The following SLC4A8 variants were observed in gnomAD, a reference collection of about 807,000 sequenced individuals.
SLC4A8 encodes the protein electroneutral sodium bicarbonate exchanger 1.
A neutral mutation model predicts 125.0 loss-of-function variants in SLC4A8; 40 were observed. The observed-to-expected ratio is 0.32, with a 90% CI of 0.25 to 0.42. SLC4A8 has a LOEUF of 0.42. Ranked by LOEUF, SLC4A8 falls within the 10% of genes least tolerant of loss-of-function variation. The probability of loss-of-function intolerance (pLI) is 1.00; values close to 1 mark genes in which losing one functional copy is unlikely to be tolerated. For synonymous variants in SLC4A8, 456 were observed against 476.0 expected (o/e 0.96, Z 0.55); for missense variants, 863 against 1,355.1 (o/e 0.64, Z 5.70).
chr12:51,479,397 G>A (rs919091243), intron 16 of SLC4A8, among the ~76,000 whole-genome samples: 1 of 152,224 alleles, frequency 6.6e-6, no homozygotes, highest in East Asian at 1.9e-4. Flanking sequence ...TTGAAATGTA[G>A]ACAAAGGGGC....
intron 1 of SLC4A8, among the ~76,000 whole-genome samples, chr12:51,410,876 C>CTTTTTTTTT (rs58043742): frequency 1.7e-5 from 2 of 117,394 alleles, no homozygotes; most frequent in South Asian, 2.8e-4. Flanking sequence ...CTTTTCTTTT[C>CTTTTTTTTT]TTTTTTTTTT....
chr12:51,421,684 C>T (rs1269337073), upstream of SLC4A8, among the ~76,000 whole-genome samples: 2 of 152,192 alleles, frequency 1.3e-5, no homozygotes, highest in South Asian at 4.1e-4. Context: ...CCTGAATTAC[C>T]ACGTTGCTAG....
At chr12:51,402,207 T>A (rs767586861) in intron 1 of SLC4A8, among the ~76,000 whole-genome samples, 1 of 152,212 alleles carries the variant, frequency 6.6e-6, no homozygotes, top group Non-Finnish European at 1.5e-5. Flanking sequence ...AGATATTGGC[T>A]TCACTCCCTA....
chr12:51,411,351 GC>G (rs542510634), intron 1 of SLC4A8, among the ~76,000 whole-genome samples: 187 of 152,186 alleles, frequency 1.2e-3, no homozygotes, highest in Non-Finnish European at 6.2e-4. Context: ...ACTTTGGGAG[GC>G]TGAGGTGGGT....
chr12:51,400,761 T>A (rs1179878773), intron 1 of SLC4A8, among the ~76,000 whole-genome samples: 1 of 8,162 alleles, frequency 1.2e-4, no homozygotes, highest in African/African-American at 4.3e-4. Flanking sequence ...TATATATATA[T>A]ATATATATAT....
chr12:51,498,534 T>C (rs1011535980), intron 22 of SLC4A8, among the ~76,000 whole-genome samples: 11 of 151,654 alleles, frequency 7.3e-5, no homozygotes, highest in Non-Finnish European at 1.5e-4. Context: ...TTTTAAAAGA[T>C]AAAAACAAGT....
chr12:51,453,130 G>A (rs1462543087), intron 4 of SLC4A8, among the ~76,000 whole-genome samples: 3 of 152,176 alleles, frequency 2.0e-5, no homozygotes, highest in Admixed American at 6.5e-5. Flanking sequence ...AATGTGGTTT[G>A]TCAGTGTATC....
At chr12:51,392,746 G>C (rs1948166838) in intron 1 of SLC4A8, 1 of 152,094 alleles carries the variant, frequency 6.6e-6, no homozygotes, top group Non-Finnish European at 1.5e-5. Context: ...GGGCTGGAAT[G>C]AGAATCCTGG....
rs182865173 is a variant in SLC4A8 at position 51,400,831 on chromosome 12, T to C, written c.-112+9343T>C. On this transcript the variant is annotated intron_variant, in intron 1 of 24. Transcript: ENST00000358657. Reference sequence around the variant, plus strand: ...ATAAACATATATGTTTATATACGTATATAAACATATATGTTTATATACGTA... The same window carrying C: ...ATAAACATATATGTTTATATACGTACATAAACATATATGTTTATATACGTA... Among the ~76,000 whole-genome samples the C allele has an allele frequency of 4.6e-3, 629 of 136,078 alleles. 16 individuals carry two copies. The highest frequency in any genetic ancestry group is 0.017 in the African/African-American group (597 of 35,532). 89.3% of individuals were successfully genotyped at this position (136,078 alleles called of 152,430 possible). A position where few individuals can be genotyped will look rare whatever the true frequency, so the allele number is the denominator to read the frequency against.
chr12:51,458,760 C>G, intron 7 of SLC4A8, 110 bp downstream of exon 7: 1 of 738,166 alleles, frequency 1.4e-6, no homozygotes. Flanking sequence ...GACTCTTTCC[C>G]TAAGACTAGA....
chr12:51,472,366 C>T (rs921627807), intron 14 of SLC4A8, among the ~76,000 whole-genome samples: 2 of 152,124 alleles, frequency 1.3e-5, no homozygotes, highest in East Asian at 1.9e-4. Context: ...TGCGGACCAG[C>T]GACAGATACA....
At chr12:51,400,946 G>A (rs951979889) in intron 1 of SLC4A8, among the ~76,000 whole-genome samples, 1 of 150,606 alleles carries the variant, frequency 6.6e-6, no homozygotes, top group Non-Finnish European at 1.5e-5. Context: ...GCACCGTCAC[G>A]GTGAAACGGG....
rs777540496 is a variant in SLC4A8 at position 51,475,047 on chromosome 12, A to G, written c.2013A>G (p.Glu671=). The change falls in exon 16 of 25, where the codon GAA becomes GAG. Residue 671 remains glutamate, a splice_region_variant and synonymous_variant. Coordinates refer to ENST00000453097, the MANE Select transcript of SLC4A8 (RefSeq NM_001039960.3). The part of the protein sequence containing the change: ...EVHWANLTVS[E]CQEMHGEFMG... ...ACCCAGAATGCTTATTCCTCCAGGAATGCCAGGAGATGCATGGAGAGTTCA... is the reference window on the plus strand; with the variant it reads ...ACCCAGAATGCTTATTCCTCCAGGAGTGCCAGGAGATGCATGGAGAGTTCA... 11 of 1,612,774 alleles carry G rather than the reference A, an allele frequency of 6.8e-6. No individual in the cohort carries two copies. Among genetic ancestry groups the G allele is most frequent in the Non-Finnish European group, 9.3e-6 (11 of 1,179,518 alleles).
chr12:51,416,012 C>G (rs1948678394), intron 1 of SLC4A8, among the ~76,000 whole-genome samples: 1 of 151,742 alleles, frequency 6.6e-6, no homozygotes, highest in Non-Finnish European at 1.5e-5. Flanking sequence ...GACCTCTACT[C>G]TCTTCCTTTT....
chr12:51,489,644 C>G (rs1329058612), intron 18 of SLC4A8, 56 bp from the exon 19 acceptor site: 1 of 1,604,730 alleles, frequency 6.2e-7, no homozygotes, highest in South Asian at 1.1e-5. Flanking sequence ...GCTCACTGTT[C>G]TATGCCCTAC....
At chr12:51,469,850 C>CACAAT in intron 12 of SLC4A8, 62 bp downstream of exon 12, 1 of 1,525,838 alleles carries the variant, frequency 6.6e-7, no homozygotes, top group Non-Finnish European at 9.1e-7. Flanking sequence ...TGGCGGCAGC[C>CACAAT]AGGTCCACTG....
intron 1 of SLC4A8, among the ~76,000 whole-genome samples, chr12:51,402,358 A>G (rs547247398): frequency 2.6e-5 from 4 of 152,298 alleles, no homozygotes; most frequent in East Asian, 3.9e-4. Context: ...TGCTGTGCTG[A>G]TGGGCTCTCT....
At chr12:51,502,826 A>C (rs1254556911) in intron 22 of SLC4A8, among the ~76,000 whole-genome samples, 2 of 138,188 alleles carry the variant, frequency 1.4e-5, no homozygotes, top group African/African-American at 5.5e-5. Flanking sequence ...ATGCACCACC[A>C]CGCCCGACTA....
At chr12:51,455,267 C>A (rs1950106053) in intron 5 of SLC4A8, among the ~76,000 whole-genome samples, 1 of 149,098 alleles carries the variant, frequency 6.7e-6, no homozygotes, top group Admixed American at 6.7e-5. Context: ...GAGACCCTGT[C>A]TCTTAAAAAA....
Sources: gnomAD v4.1 joint callset for allele counts (sites outside exome capture counted in the v4.1 genomes callset) on GRCh38, gnomAD v4.1.1 for gene constraint, MANE v1.5 for transcripts, NCBI Gene and HGNC (gene_info 2026-07-23, HGNC 2026-07-21) for gene names.